Variants in CNTNAP2 observed in about 807,000 individuals in gnomAD.
The protein encoded by CNTNAP2 is contactin-associated protein-like 2.
A neutral mutation model predicts 155.2 loss-of-function variants in CNTNAP2; 98 were observed. That is an observed-to-expected ratio of 0.63 (90% confidence interval 0.54 to 0.75). CNTNAP2 has a LOEUF of 0.75. CNTNAP2 is among the 30% of genes least tolerant of loss of function. The pLI is 0.00. For synonymous variants in CNTNAP2, 651 were observed against 631.2 expected, an observed-to-expected ratio of 1.03 and a Z score of -0.47; for missense variants, 1,727 against 1,688.1, an observed-to-expected ratio of 1.02 and a Z score of -0.40.
intron 13 of CNTNAP2, among the ~76,000 whole-genome samples, chr7:147,802,036 G>A (rs576499085): frequency 0.016 from 2,358 of 149,682 alleles, 58 homozygotes; most frequent in African/African-American, 0.054. Context: ...GCTGCCGGGC[G>A]GAGGGGCTCC....
intron 1 of CNTNAP2, among the ~76,000 whole-genome samples, chr7:146,255,197 A>T (rs1458193735): frequency 1.3e-5 from 2 of 152,218 alleles, no homozygotes; most frequent in African/African-American, 4.8e-5. Context: ...GTTATTGCCA[A>T]AAGAGCTGAG....
chr7:146,525,136 A>G (rs1797669873), intron 1 of CNTNAP2, among the ~76,000 whole-genome samples: 1 of 152,090 alleles, frequency 6.6e-6, no homozygotes, highest in African/African-American at 2.4e-5. Flanking sequence ...GGTTAGGTAG[A>G]TTATAATTTT....
At chr7:147,648,602 C>T (rs1287897799) in intron 13 of CNTNAP2, among the ~76,000 whole-genome samples, 1 of 152,126 alleles carries the variant, frequency 6.6e-6, no homozygotes. Context: ...TCTCACATGG[C>T]GGCAGACAAG....
intron 14 of CNTNAP2, among the ~76,000 whole-genome samples, chr7:147,914,412 T>A (rs1440765358): frequency 6.6e-6 from 1 of 151,776 alleles, no homozygotes; most frequent in African/African-American, 2.4e-5. Context: ...TAGTGGCACA[T>A]ACCTGTAATC....
chr7:147,174,356 C>G (rs1024310522), intron 8 of CNTNAP2, among the ~76,000 whole-genome samples: 2 of 152,112 alleles, frequency 1.3e-5, no homozygotes, highest in Non-Finnish European at 2.9e-5. Context: ...TCCATTCTTT[C>G]AATCCTTCCT....
intron 21 of CNTNAP2, among the ~76,000 whole-genome samples, chr7:148,310,635 G>T (rs1356631761): frequency 6.6e-6 from 1 of 152,116 alleles, no homozygotes; most frequent in Non-Finnish European, 1.5e-5. Flanking sequence ...ATTGAATTTT[G>T]GGGGTAAGGA....
At chr7:147,150,372 C>T (rs560714025) in intron 8 of CNTNAP2, among the ~76,000 whole-genome samples, 1 of 152,002 alleles carries the variant, frequency 6.6e-6, no homozygotes, top group Admixed American at 6.6e-5. Flanking sequence ...AACAGGAGCA[C>T]GTCTTAAGAA....
chr7:146,828,475 T>C (rs1229738717), intron 2 of CNTNAP2, among the ~76,000 whole-genome samples: 3 of 152,118 alleles, frequency 2.0e-5, no homozygotes, highest in African/African-American at 7.2e-5. Flanking sequence ...CTAGCTTTCA[T>C]TTGAATATCT....
chr7:148,160,734 G>T (rs1173634629), intron 17 of CNTNAP2, among the ~76,000 whole-genome samples: 1 of 152,074 alleles, frequency 6.6e-6, no homozygotes, highest in Non-Finnish European at 1.5e-5. Flanking sequence ...TATTGATGAA[G>T]GTGTTGTTTT....
At chr7:148,062,344 A>G (rs28610457) in intron 15 of CNTNAP2, among the ~76,000 whole-genome samples, 39 of 152,158 alleles carry the variant, frequency 2.6e-4, no homozygotes, top group African/African-American at 9.2e-4. Context: ...TGCCAGAAGA[A>G]CTTAGCAATT....
chr7:147,061,105 G>T (rs1484047882), intron 4 of CNTNAP2, among the ~76,000 whole-genome samples: 1 of 137,698 alleles, frequency 7.3e-6, no homozygotes, highest in Non-Finnish European at 1.5e-5. Context: ...GTTGAGCGGT[G>T]GGTGCCAGGG....
At chr7:147,487,405 A>G (rs1798529078) in intron 11 of CNTNAP2, among the ~76,000 whole-genome samples, 1 of 152,210 alleles carries the variant, frequency 6.6e-6, no homozygotes, top group Admixed American at 6.5e-5. Context: ...CAATCACATC[A>G]AAATATTAAC....
chr7:146,529,745 T>C (rs1406972045), intron 1 of CNTNAP2, among the ~76,000 whole-genome samples: 14 of 151,894 alleles, frequency 9.2e-5, no homozygotes, highest in African/African-American at 3.1e-4. Flanking sequence ...GGCGGGCAGT[T>C]CACGAGATCA....
At chr7:146,821,680 T>G (rs1426179900) in intron 2 of CNTNAP2, among the ~76,000 whole-genome samples, 1 of 152,078 alleles carries the variant, frequency 6.6e-6, no homozygotes, top group Non-Finnish European at 1.5e-5. Flanking sequence ...CAGACACTTC[T>G]CAAAAGAAGA....
At chr7:146,237,022 A>G (rs573669380) in intron 1 of CNTNAP2, among the ~76,000 whole-genome samples, 56 of 152,288 alleles carry the variant, frequency 3.7e-4, no homozygotes, top group African/African-American at 1.3e-3. Context: ...ATAAAGGGAA[A>G]GTACTAACGT....
In CNTNAP2 at chr7:147,197,322, T is replaced by G. The variant is rs928088127; in HGVS notation, c.1348+64813T>G. Among the ~76,000 whole-genome samples, 52 of 152,208 alleles carry G rather than the reference T, an allele frequency of 3.4e-4. 1 individual carries two copies. Among genetic ancestry groups the G allele is most frequent in the African/African-American group, 1.2e-3 (51 of 41,544 alleles). ...CTGTAAACTGGCCCTTGAGTCCCTA[T>G]GCTCGGGCCTGCCCCCCCGCCCCCC... On this transcript the variant is annotated intron_variant, in intron 8 of 23. Coordinates refer to ENST00000361727, the MANE Select transcript of CNTNAP2 (RefSeq NM_014141.6).
intron 1 of CNTNAP2, among the ~76,000 whole-genome samples, chr7:146,693,166 G>A (rs936293724): frequency 4.6e-5 from 7 of 152,072 alleles, no homozygotes; most frequent in African/African-American, 1.4e-4. Flanking sequence ...AGATAGCATT[G>A]TGCTTGACAT....
intron 15 of CNTNAP2, among the ~76,000 whole-genome samples, chr7:148,089,922 A>G (rs1803804717): frequency 6.6e-6 from 1 of 151,962 alleles, no homozygotes; most frequent in South Asian, 2.1e-4. Flanking sequence ...TAGCATAAAT[A>G]CAGACACATA....
At chr7:146,586,009 AAAC>A (rs750346160) in intron 1 of CNTNAP2, among the ~76,000 whole-genome samples, 1,673 of 128,200 alleles carry the variant, frequency 0.013, 10 homozygotes, top group Non-Finnish European at 0.019. Context: ...TGTCTCAAAA[AAAC>A]AACAACAACA....
Sources: allele counts gnomAD v4.1 joint callset (sites outside exome capture counted in the v4.1 genomes callset), GRCh38; gene constraint gnomAD v4.1.1; transcripts MANE v1.5; gene names NCBI Gene and HGNC (gene_info 2026-07-23, HGNC 2026-07-21).